Variants in YIPF7 observed in about 807,000 individuals in gnomAD.
YIPF7 encodes the protein protein YIPF7.
YIPF7 carries 35 observed loss-of-function variants against 27.2 expected under a neutral mutation model. That is an observed-to-expected ratio of 1.29 (90% CI 0.98 to 1.70). The LOEUF (loss-of-function observed/expected upper bound fraction) is 1.70. Among genes scored for constraint, YIPF7 ranks in the 40% most tolerant of loss-of-function variants. YIPF7 has a pLI of 0.00. For missense variants in YIPF7, 358 were observed against 303.7 expected, an observed-to-expected ratio of 1.18 and a Z score of -1.33; for synonymous variants, 137 against 110.4, an observed-to-expected ratio of 1.24 and a Z score of -1.51.
In YIPF7 at chr4:44,622,154, C is replaced by A; in HGVS notation, c.*260G>T. 2 of 356,030 alleles carry A rather than the reference C, an allele frequency of 5.6e-6. No homozygotes were observed. The highest frequency in any genetic ancestry group is 1.0e-5 in the Non-Finnish European group (2 of 197,810). 22.1% of individuals were successfully genotyped at this position (356,030 alleles called of 1,614,324 possible). A position where few individuals can be genotyped will look rare whatever the true frequency, so the allele number is the denominator to read the frequency against. On this transcript the variant is annotated 3_prime_UTR_variant, in exon 6 of 6. Coordinates refer to ENST00000415895, the MANE Select transcript of YIPF7 (RefSeq NM_182592.3). ...TCAGAAATACCTCTATTGAGAAAAG[C>A]AGGGTTGATCAGTACAGCAACTGTA...
chr4:44,659,210 G>C (rs906119827), intron 2 of YIPF7, among the ~76,000 whole-genome samples: 4 of 151,858 alleles, frequency 2.6e-5, no homozygotes, highest in Non-Finnish European at 5.9e-5. Flanking sequence ...TGTGCATTAA[G>C]TGCAGTAATA....
intron 3 of YIPF7, among the ~76,000 whole-genome samples, chr4:44,631,756 T>G (rs560004895): frequency 6.6e-5 from 10 of 152,188 alleles, no homozygotes; most frequent in Non-Finnish European, 1.0e-4. Context: ...ATGTCTAACG[T>G]AATTTTTGAA....
upstream of YIPF7, among the ~76,000 whole-genome samples, chr4:44,655,502 T>C (rs1018051231): frequency 6.6e-6 from 1 of 152,038 alleles, no homozygotes; most frequent in Non-Finnish European, 1.5e-5. Context: ...TGATGTTTAC[T>C]TGTATCCCTC....
In YIPF7 at chr4:44,622,591, A is replaced by G; in HGVS notation, c.609-15T>C. Reference sequence around the variant, plus strand: ...CAAAGATGCCCCTGCAGCAAAGACAAAGAAATGATTGCCTGTGCCAGTAGA... The same window carrying G: ...CAAAGATGCCCCTGCAGCAAAGACAGAGAAATGATTGCCTGTGCCAGTAGA... On this transcript the variant is annotated splice_polypyrimidine_tract_variant and intron_variant, in intron 5 of 5. Coordinates refer to ENST00000415895, the MANE Select transcript of YIPF7 (RefSeq NM_182592.3). 6.2e-7 allele frequency: 1 copy of G among 1,611,636 alleles called. No individual in the cohort carries two copies. Among genetic ancestry groups the G allele is most frequent in the Non-Finnish European group, 8.5e-7 (1 of 1,179,114 alleles).
chr4:44,643,982 C>A (rs1048343310), intron 2 of YIPF7, among the ~76,000 whole-genome samples: 15 of 152,106 alleles, frequency 9.9e-5, no homozygotes. Flanking sequence ...GAAGCCCCCA[C>A]ACAGAGTCTC....
upstream of YIPF7, chr4:44,651,699 A>G: frequency 1.8e-6 from 2 of 1,132,252 alleles, no homozygotes; most frequent in Admixed American, 6.6e-5. Flanking sequence ...CAGATGCTAC[A>G]GTCAAAAATA....
At chr4:44,653,815 G>A (rs758008178), upstream of YIPF7, among the ~76,000 whole-genome samples, 75 of 151,868 alleles carry the variant, frequency 4.9e-4, no homozygotes, top group Non-Finnish European at 9.3e-4. Flanking sequence ...GAGAACATAG[G>A]TCCTTTTCTA....
intron 5 of YIPF7, among the ~76,000 whole-genome samples, chr4:44,623,250 T>A (rs905049531): frequency 1.3e-5 from 2 of 152,202 alleles, no homozygotes; most frequent in African/African-American, 4.8e-5. Context: ...TGGAGAGTAA[T>A]AAGGCAGGAA....
intron 3 of YIPF7, among the ~76,000 whole-genome samples, chr4:44,633,903 A>C (rs1713011893): frequency 6.6e-6 from 1 of 152,198 alleles, no homozygotes. Context: ...AGTAACCCAG[A>C]GGTACAAAGT....
intron 5 of YIPF7, among the ~76,000 whole-genome samples, 164 bp from the exon 6 acceptor site, chr4:44,622,740 T>C (rs1712487735): frequency 6.6e-6 from 1 of 152,212 alleles, no homozygotes; most frequent in Non-Finnish European, 1.5e-5. Context: ...CAGTTAGGCA[T>C]TTTTTAGTCA....
At chr4:44,627,838 G>T (rs1398661320) in intron 4 of YIPF7, among the ~76,000 whole-genome samples, 35 of 152,256 alleles carry the variant, frequency 2.3e-4, no homozygotes, top group Non-Finnish European at 2.9e-5. Context: ...AGCTAGGGTA[G>T]ATCCAATTTT....
chr4:44,629,405 G>A lies in YIPF7; in HGVS notation c.424C>T (p.Leu142=). 2 of 1,587,650 alleles carry A rather than the reference G, an allele frequency of 1.3e-6. No homozygotes were observed. The highest frequency in any genetic ancestry group is 1.7e-4 in the Middle Eastern group (1 of 5,934). ...TGGTGCTTCCTGTGACACATTACCA[G>A]AAGCAAGGTGGCTCCCAGGGCTACG... ...FCVALGATLL[L]AGKVQFGYVY... is the part of the protein sequence containing the mutation. Residue 142 remains leucine, a splice_region_variant and synonymous_variant, in exon 4 of 6, where the codon CTG becomes TTG. Transcript: ENST00000415895.
chr4:44,662,106 T>C (rs774133754), intron 1 of YIPF7, among the ~76,000 whole-genome samples: 12 of 152,206 alleles, frequency 7.9e-5, no homozygotes, highest in Non-Finnish European at 1.5e-4. Context: ...GCAGTACCCC[T>C]CATCCTTATG....
chr4:44,639,232 G>A (rs1713241857), intron 2 of YIPF7, among the ~76,000 whole-genome samples: 1 of 152,036 alleles, frequency 6.6e-6, no homozygotes, highest in Non-Finnish European at 1.5e-5. Context: ...GTTAAAAAAT[G>A]CTGCTGGTAT....
chr4:44,646,276 T>A lies in YIPF7; in HGVS notation c.116+3709A>T, dbSNP rs1002019241. Among the ~76,000 whole-genome samples, 3 of 152,006 alleles carry A rather than the reference T, an allele frequency of 2.0e-5. No homozygotes were observed. In the South Asian group the frequency reaches 6.2e-4, roughly 32 times the overall value. ...GTAAGACCTTATCAAATAGGATGAGTTTGGTGGTAGCATGAGTCAGGGAGT... is the reference window on the plus strand; with the variant it reads ...GTAAGACCTTATCAAATAGGATGAGATTGGTGGTAGCATGAGTCAGGGAGT... On this transcript the variant is annotated intron_variant, in intron 2 of 5. Transcript: ENST00000415895.
rs1021173564 is a variant in YIPF7, at chr4:44,661,316, G to T, written c.-171-698C>A. ...TCTAAATATCTCATGGGCACATCTT[G>T]TGAACCCTCTCAGTTAAACAACAAG... On this transcript the variant is annotated intron_variant, in intron 1 of 2. Coordinates refer to the YIPF7 transcript ENST00000508947. 3.3e-5 allele frequency among the ~76,000 whole-genome samples: 5 copies of T among 152,282 alleles called. No individual in the cohort carries two copies. In the East Asian group the frequency reaches 9.7e-4, roughly 29 times the overall value.
upstream of YIPF7, among the ~76,000 whole-genome samples, chr4:44,651,823 A>G (rs966876887): frequency 6.6e-6 from 1 of 152,230 alleles, no homozygotes; most frequent in African/African-American, 2.4e-5. Context: ...GTGGAAAGAT[A>G]AATACAATTC....
chr4:44,634,740 T>C (rs142744215), intron 3 of YIPF7, among the ~76,000 whole-genome samples: 311 of 152,314 alleles, frequency 2.0e-3, no homozygotes, highest in Non-Finnish European at 2.7e-3. Context: ...AGTCATGTCT[T>C]TGAGACAAGA....
At position 44,624,706 on chromosome 4, in the gene YIPF7, A is replaced by C; in HGVS notation, c.503T>G (p.Leu168Arg). 1.2e-6 allele frequency: 2 copies of C among 1,610,724 alleles called. No homozygotes were observed. Among genetic ancestry groups the C allele is most frequent in the Middle Eastern group, 1.7e-4 (1 of 6,054 alleles). ...GCLVIHALLNLMSSSGVSYGC... is the reference protein window; with the variant it reads ...GCLVIHALLNRMSSSGVSYGC... The stretch of plus-strand genomic sequence containing the variant: ...GTACGACACCCCTGAAGAGCTCATC[A>C]GGTTCAGCAAGGCATGAATCACAAG... The change falls in exon 5 of 6, where the codon CTG (leucine) becomes CGG (arginine). Residue 168 changes from leucine (L) to arginine (R), a missense_variant. By Grantham distance (102) the Leu-to-Arg change is moderately radical (BLOSUM62 -2). Coordinates refer to ENST00000415895, the MANE Select transcript of YIPF7 (RefSeq NM_182592.3).
Sources: gnomAD v4.1 joint callset for allele counts (sites outside exome capture counted in the v4.1 genomes callset) on GRCh38, gnomAD v4.1.1 for gene constraint, MANE v1.5 for transcripts, NCBI Gene and HGNC (gene_info 2026-07-23, HGNC 2026-07-21) for gene names.